The following VKORC1L1 variants were observed in gnomAD, a reference collection of about 807,000 sequenced individuals.
VKORC1L1 encodes vitamin K epoxide reductase complex subunit 1-like protein 1.
In VKORC1L1, 2 loss-of-function variants were observed where a neutral mutation model predicts 18.9. The ratio of observed to expected loss-of-function variants is 0.11; its 90% CI spans 0.04 to 0.33. The LOEUF (loss-of-function observed/expected upper bound fraction) is 0.33. VKORC1L1 is among the 10% of genes least tolerant of loss of function. The pLI, the probability that VKORC1L1 is intolerant of heterozygous loss-of-function variation, is 1.00. For missense variants in VKORC1L1, 123 were observed against 224.1 expected (o/e 0.55, Z 2.88); for synonymous variants, 96 against 100.0 (o/e 0.96, Z 0.24).
intron 1 of VKORC1L1, among the ~76,000 whole-genome samples, chr7:65,883,877 T>C (rs943268527): frequency 9.2e-5 from 14 of 152,222 alleles, no homozygotes; most frequent in African/African-American, 3.4e-4. Context: ...AGCTATTGAA[T>C]TACGATTCAT....
chr7:65,879,597 T>A (rs1002946034), intron 1 of VKORC1L1, among the ~76,000 whole-genome samples: 2 of 152,256 alleles, frequency 1.3e-5, no homozygotes, highest in African/African-American at 4.8e-5. Flanking sequence ...AGAGGCCTGA[T>A]TCTAACCCAG....
rs542460752 is a variant in VKORC1L1, at chr7:65,923,706, C to A, written c.195-24965C>A. 2.6e-5 allele frequency among the ~76,000 whole-genome samples: 4 copies of A among 152,284 alleles called. No individual in the cohort carries two copies. The East Asian group carries it at 7.7e-4, about 29-fold the overall frequency. On this transcript the variant is annotated intron_variant, in intron 1 of 2. Transcript: ENST00000360768. ...AAGAGTGTGAGACCAAAAAGTGTTT[C>A]CAGCTGAATGGGCTGCAAGAGAATT...
chr7:65,895,720 G>A (rs1364715659), intron 1 of VKORC1L1, among the ~76,000 whole-genome samples: 2 of 151,218 alleles, frequency 1.3e-5, no homozygotes, highest in East Asian at 3.9e-4. Flanking sequence ...AAACCAATTT[G>A]AGCATCAGAT....
At chr7:65,953,088 TGC>T (rs558201709) in intron 2 of VKORC1L1, among the ~76,000 whole-genome samples, 101 of 152,170 alleles carry the variant, frequency 6.6e-4, no homozygotes, top group Non-Finnish European at 1.4e-3. Context: ...TGAGCCACTG[TGC>T]GTGGCTTCAG....
At chr7:65,944,069 TA>T (rs1790079303) in intron 1 of VKORC1L1, among the ~76,000 whole-genome samples, 1 of 151,978 alleles carries the variant, frequency 6.6e-6, no homozygotes. Flanking sequence ...ACTTGAGGTC[TA>T]AAAACTACAA....
At chr7:65,891,430 A>G (rs1041576320) in intron 1 of VKORC1L1, among the ~76,000 whole-genome samples, 1 of 152,112 alleles carries the variant, frequency 6.6e-6, no homozygotes, top group African/African-American at 2.4e-5. Context: ...ATTACTAATG[A>G]GGTTGACCAG....
chr7:65,927,907 G>GC (rs1789792769), intron 1 of VKORC1L1, among the ~76,000 whole-genome samples: 1 of 152,106 alleles, frequency 6.6e-6, no homozygotes, highest in South Asian at 2.1e-4. Flanking sequence ...AGTTAAGGGG[G>GC]CCCCAACTGA....
intron 1 of VKORC1L1, among the ~76,000 whole-genome samples, chr7:65,903,909 G>A (rs1035260299): frequency 1.3e-5 from 2 of 152,030 alleles, no homozygotes; most frequent in Non-Finnish European, 2.9e-5. Context: ...AAAAGTGCTA[G>A]AAATGGTAAC....
At position 65,957,111 on chromosome 7, in the gene VKORC1L1, T is replaced by TC. The variant is rs1246442227; in HGVS notation, c.*2813dup. Reference sequence around the variant, plus strand: ...CTAGCTGTGTGCCCAGAATCACTGTTCCTTCATACATGTGTCCTCTCCTTA... The same window carrying TC: ...CTAGCTGTGTGCCCAGAATCACTGTTCCCTTCATACATGTGTCCTCTCCTTA... On this transcript the variant is annotated 3_prime_UTR_variant, in exon 3 of 3. Transcript: ENST00000360768. 1 of 152,250 alleles carries TC rather than the reference T, an allele frequency of 6.6e-6. No individual in the cohort carries two copies. The highest frequency in any genetic ancestry group is 2.4e-5 in the African/African-American group (1 of 41,476). The allele number at this position is 152,250 out of a possible 1,614,324, so 9.4% of individuals were successfully genotyped here.
chr7:65,901,180 C>T (rs1383904390), intron 1 of VKORC1L1, among the ~76,000 whole-genome samples: 1 of 152,126 alleles, frequency 6.6e-6, no homozygotes, highest in Non-Finnish European at 1.5e-5. Context: ...AGAGGTAGAG[C>T]TGGATGAAGA....
upstream of VKORC1L1, among the ~76,000 whole-genome samples, chr7:65,871,677 C>T (rs962057831): frequency 1.1e-4 from 17 of 152,206 alleles, no homozygotes; most frequent in African/African-American, 4.1e-4. Context: ...TGCAAGTGGA[C>T]AGGAAATGAT....
chr7:65,948,142 T>C (rs3108160), intron 1 of VKORC1L1, among the ~76,000 whole-genome samples: 2 of 152,180 alleles, frequency 1.3e-5, no homozygotes, highest in Non-Finnish European at 2.9e-5. Flanking sequence ...TCCCAGCGGA[T>C]GTTTGGCAAT....
intron 1 of VKORC1L1, among the ~76,000 whole-genome samples, chr7:65,885,400 T>A (rs1300532239): frequency 1.3e-5 from 2 of 152,272 alleles, no homozygotes; most frequent in Non-Finnish European, 1.5e-5. Flanking sequence ...GGTGGTCAGA[T>A]CTTTCACTTA....
At chr7:65,870,574 A>C (rs939369425), upstream of VKORC1L1, among the ~76,000 whole-genome samples, 4 of 152,216 alleles carry the variant, frequency 2.6e-5, no homozygotes, top group Non-Finnish European at 5.9e-5. Context: ...AAAATTGTGG[A>C]TATCTAATAT....
intron 1 of VKORC1L1, among the ~76,000 whole-genome samples, chr7:65,891,955 C>T (rs1158197577): frequency 1.3e-5 from 2 of 152,124 alleles, no homozygotes; most frequent in African/African-American, 4.8e-5. Flanking sequence ...CTTTATTTCC[C>T]ACTTCCCTTC....
chr7:65,937,243 A>ACTT (rs1554301275), intron 1 of VKORC1L1, among the ~76,000 whole-genome samples: 1 of 152,078 alleles, frequency 6.6e-6, no homozygotes, highest in Non-Finnish European at 1.5e-5. Flanking sequence ...TCCAGTTTTT[A>ACTT]CTCTCCTCTA....
chr7:65,898,429 T>C (rs1789254850), intron 1 of VKORC1L1, among the ~76,000 whole-genome samples: 2 of 152,122 alleles, frequency 1.3e-5, no homozygotes, highest in Admixed American at 1.3e-4. Flanking sequence ...TATGAAGTAA[T>C]TTAGAAAAGT....
At chr7:65,874,070 C>T (rs1220720389) in intron 1 of VKORC1L1, among the ~76,000 whole-genome samples, 1 of 152,222 alleles carries the variant, frequency 6.6e-6, no homozygotes, top group Non-Finnish European at 1.5e-5. Context: ...TTCCCACTGT[C>T]TTCCTGGTGC....
At chr7:65,901,256 G>A (rs1789310433) in intron 1 of VKORC1L1, among the ~76,000 whole-genome samples, 1 of 152,204 alleles carries the variant, frequency 6.6e-6, no homozygotes, top group African/African-American at 2.4e-5. Flanking sequence ...CAGTGTTTTG[G>A]GAGGCCTAGG....
Sources: gnomAD v4.1 joint callset for allele counts (sites outside exome capture counted in the v4.1 genomes callset) on GRCh38, gnomAD v4.1.1 for gene constraint, MANE v1.5 for transcripts, NCBI Gene and HGNC (gene_info 2026-07-23, HGNC 2026-07-21) for gene names.